SACS: variants seen among roughly 807,000 people sequenced by gnomAD.
The protein encoded by SACS is sacsin molecular chaperone.
Under a neutral mutation model 348.0 loss-of-function variants are expected in SACS, and 197 were observed. The ratio of observed to expected loss-of-function variants is 0.57; its 90% confidence interval spans 0.50 to 0.64. The LOEUF (loss-of-function observed/expected upper bound fraction) is 0.64. Ranked by LOEUF, SACS falls within the 30% of genes least tolerant of loss-of-function variation. SACS has a pLI of 0.00. For missense variants in SACS, 4,999 were observed against 5,360.8 expected (o/e 0.93, Z 2.11); for synonymous variants, 1,985 against 1,910.6 (o/e 1.04, Z -1.02).
rs1197238841 is a variant in SACS at position 23,331,036 on chromosome 13, GA to G, written c.12839del (p.Phe4280SerfsTer28). The G allele has an allele frequency of 4.3e-6, 7 of 1,614,016 alleles. No individual in the cohort carries two copies. The highest frequency in any genetic ancestry group is 5.1e-6 in the Non-Finnish European group (6 of 1,180,012). ...TPGLRSIPPL[F>X]SGRESHKTSS... is the part of the protein sequence containing the mutation. ...AAGTCTTGTGGCTCTCTCTACCAGAGAAAAGAGGAGGAATGCTTCTCAGGCC... is the reference window on the plus strand; with the variant it reads ...AAGTCTTGTGGCTCTCTCTACCAGAGAAAGAGGAGGAATGCTTCTCAGGCC... On this transcript the variant is annotated frameshift_variant, in exon 10 of 10. Coordinates refer to ENST00000382292, the MANE Select transcript of SACS (RefSeq NM_014363.6). LOFTEE classifies it high-confidence loss of function.
intron 2 of SACS, among the ~76,000 whole-genome samples, chr13:23,382,326 T>G (rs1872091582): frequency 6.6e-6 from 1 of 152,226 alleles, no homozygotes. Context: ...GCTAATTTTT[T>G]GTAGGTCAGG....
At chr13:23,382,988 C>A (rs1432592773) in intron 2 of SACS, among the ~76,000 whole-genome samples, 1 of 138,704 alleles carries the variant, frequency 7.2e-6, no homozygotes, top group African/African-American at 2.7e-5. Context: ...TTGGTAGAGA[C>A]GAGGTCTCAC....
intron 2 of SACS, among the ~76,000 whole-genome samples, chr13:23,390,941 G>A (rs1052930412): frequency 2.1e-4 from 32 of 152,118 alleles, no homozygotes; most frequent in African/African-American, 7.7e-4. Flanking sequence ...ACCTGCCCTG[G>A]GCCACTCTGG....
intron 1 of SACS, among the ~76,000 whole-genome samples, chr13:23,413,986 A>G (rs1440549827): frequency 6.6e-6 from 1 of 152,204 alleles, no homozygotes; most frequent in Admixed American, 6.5e-5. Context: ...GTAAAGGATT[A>G]GGATCAATTT....
chr13:23,431,962 G>C (rs1006691333), intron 1 of SACS, among the ~76,000 whole-genome samples: 2 of 152,220 alleles, frequency 1.3e-5, no homozygotes, highest in African/African-American at 4.8e-5. Context: ...TTACTAAATA[G>C]TGACACTGTG....
Position 23,358,586 on chromosome 13 carries a change from G to C in SACS, c.458-105C>G, listed in dbSNP as rs1363580960. The C allele has an allele frequency of 2.4e-6, 3 of 1,228,810 alleles. No individual in the cohort carries two copies. The Admixed American group carries it at 5.3e-5, about 22-fold the overall frequency. 76.1% of individuals were successfully genotyped at this position (1,228,810 alleles called of 1,614,324 possible). On this transcript the variant is annotated intron_variant, in intron 6 of 9. Coordinates refer to ENST00000382292, the MANE Select transcript of SACS (RefSeq NM_014363.6). The stretch of plus-strand genomic sequence containing the variant: ...AAATCTCTTATTCGAAGGGAAAATA[G>C]AGAGGAGTGAATAGAGTGACTGAAT...
At position 23,411,470 on chromosome 13, in the gene SACS, A is replaced by C. The variant is rs1207888442; in HGVS notation, c.-231T>G. ...TAAAGTATGACTCTCCAGTCTGATA[A>C]TGGTTGCCTGCTGATCCAGCGACCC... On this transcript the variant is annotated 5_prime_UTR_variant, in exon 2 of 10. Transcript: ENST00000382292. The C allele has an allele frequency of 1.8e-6, 1 of 569,480 alleles. No individual in the cohort carries two copies. The highest frequency in any genetic ancestry group is 3.3e-5 in the Admixed American group (1 of 30,690). 35.3% of individuals were successfully genotyped at this position (569,480 alleles called of 1,614,324 possible). A position where few individuals can be genotyped will look rare whatever the true frequency, so the allele number is the denominator to read the frequency against.
chr13:23,338,929 T>G lies in SACS; in HGVS notation c.4947A>C (p.Arg1649Ser). Reference protein sequence around the residue: ...YNGTLFRLSFRTQQEAKVSEV... With the variant: ...YNGTLFRLSFSTQQEAKVSEV... ...CACTCACTTTTGCTTCCTGTTGAGT[T>G]CTAAAGGACAGTCGGAAAAGGGTTC... The change falls in exon 10 of 10, where the codon AGA (arginine) becomes AGC (serine). Residue 1649 changes from arginine to serine, a missense_variant. Physicochemically the swap from Arg to Ser is moderately radical, Grantham distance 110. Transcript: ENST00000382292. 6.2e-7 allele frequency: 1 copy of G among 1,613,648 alleles called. No individual in the cohort carries two copies. Among genetic ancestry groups the G allele is most frequent in the Non-Finnish European group, 8.5e-7 (1 of 1,179,834 alleles).
intron 1 of SACS, among the ~76,000 whole-genome samples, chr13:23,425,835 C>G (rs981782480): frequency 6.6e-6 from 1 of 152,102 alleles, no homozygotes; most frequent in African/African-American, 2.4e-5. Context: ...AGAGCATGGC[C>G]GCCGGGGGTC....
At chr13:23,409,540 G>A (rs957408277) in intron 2 of SACS, among the ~76,000 whole-genome samples, 2 of 149,316 alleles carry the variant, frequency 1.3e-5, no homozygotes, top group African/African-American at 2.5e-5. Context: ...TAAAGACGGG[G>A]TTTTGCCATG....
intron 2 of SACS, among the ~76,000 whole-genome samples, chr13:23,377,867 AGAG>A (rs1361662800): frequency 6.6e-6 from 1 of 152,228 alleles, no homozygotes. Context: ...TGCCTGGCAC[AGAG>A]TAGTCCCAAG....
At chr13:23,358,890 G>A (rs1870560408) in intron 6 of SACS, among the ~76,000 whole-genome samples, 1 of 151,682 alleles carries the variant, frequency 6.6e-6, no homozygotes, top group South Asian at 2.1e-4. Flanking sequence ...TGAAAATATG[G>A]GCTGGGCGCA....
At chr13:23,360,631 A>C (rs1870669464) in intron 6 of SACS, among the ~76,000 whole-genome samples, 1 of 152,132 alleles carries the variant, frequency 6.6e-6, no homozygotes, top group Admixed American at 6.5e-5. Flanking sequence ...CTGACCCCTT[A>C]CTGCCTGCTT....
chr13:23,431,086 A>G (rs1874416811), intron 1 of SACS, among the ~76,000 whole-genome samples: 1 of 152,232 alleles, frequency 6.6e-6, no homozygotes, highest in Admixed American at 6.5e-5. Context: ...GTAATCTGCA[A>G]AATGGGGCTG....
intron 1 of SACS, among the ~76,000 whole-genome samples, chr13:23,416,383 G>C (rs950711110): frequency 2.0e-5 from 3 of 151,838 alleles, no homozygotes; most frequent in Admixed American, 2.0e-4. Context: ...GATACAATGG[G>C]GACTATCAGC....
At chr13:23,391,727 T>C (rs979439131) in intron 2 of SACS, among the ~76,000 whole-genome samples, 2 of 152,212 alleles carry the variant, frequency 1.3e-5, no homozygotes, top group Non-Finnish European at 2.9e-5. Flanking sequence ...CTAATTGGAC[T>C]GTGGGGTGCC....
At chr13:23,350,616 A>G (rs1361945572) in intron 9 of SACS, among the ~76,000 whole-genome samples, 1 of 152,210 alleles carries the variant, frequency 6.6e-6, no homozygotes, top group African/African-American at 2.4e-5. Flanking sequence ...AGACTGGCCA[A>G]TCAGTGTTTA....
rs139387396 is a variant in SACS, at chr13:23,338,891, G to A, written c.4985C>T (p.Thr1662Met). ...QEAKVSEVSS[T>M]CYNTADIYSL... is the part of the protein sequence containing the mutation. ...ATAAATATCTGCTGTATTGTAGCAC[G>A]TACTACTAACTTCACTCACTTTTGC... The change falls in exon 10 of 10, where the codon ACG (threonine) becomes ATG (methionine). Residue 1662 changes from threonine (T) to methionine (M), a missense_variant. This residue lies in a region of SACS where 3,156 missense variants were observed against 3,380.1 expected (regional missense o/e 0.93). Coordinates refer to ENST00000382292, the MANE Select transcript of SACS (RefSeq NM_014363.6). 258 of 1,613,020 alleles carry A rather than the reference G, an allele frequency of 1.6e-4. No homozygotes were observed. The African/African-American group carries it at 1.8e-3, about 11-fold the overall frequency.
chr13:23,432,189 T>G (rs1874457557), intron 1 of SACS, among the ~76,000 whole-genome samples: 1 of 152,210 alleles, frequency 6.6e-6, no homozygotes, highest in Admixed American at 6.5e-5. Context: ...TTTGAGATGC[T>G]TCAGATGTAA....
Sources: gnomAD v4.1 joint callset for allele counts (sites outside exome capture counted in the v4.1 genomes callset) on GRCh38, gnomAD v4.1.1 for gene constraint, gnomAD v4.1.1 regional missense constraint, MANE v1.5 for transcripts, NCBI Gene and HGNC (gene_info 2026-07-23, HGNC 2026-07-21) for gene names.